Variants in PPP6R3 observed in about 807,000 individuals in gnomAD.
The protein encoded by PPP6R3 is protein phosphatase 6 regulatory subunit 3.
PPP6R3 carries 38 observed loss-of-function variants against 110.7 expected under a neutral mutation model. The ratio of observed to expected loss-of-function variants is 0.34; its 90% CI spans 0.26 to 0.45. The LOEUF (loss-of-function observed/expected upper bound fraction) is 0.45, where lower values mean the gene tolerates loss of function less well. Ranked by LOEUF, PPP6R3 falls within the 20% of genes least tolerant of loss-of-function variation. PPP6R3 has a pLI of 1.00. For synonymous variants in PPP6R3, 369 were observed against 373.5 expected (o/e 0.99, Z 0.14); for missense variants, 870 against 1,062.4 (o/e 0.82, Z 2.52).
At chr11:68,514,389 C>CT (rs1221525106) in intron 1 of PPP6R3, among the ~76,000 whole-genome samples, 191 of 147,230 alleles carry the variant, frequency 1.3e-3, no homozygotes, top group African/African-American at 4.0e-3. Context: ...ATGCATTTTG[C>CT]TTTTTTTTTT....
chr11:68,528,788 C>T (rs1227332716), intron 2 of PPP6R3, among the ~76,000 whole-genome samples: 1 of 152,228 alleles, frequency 6.6e-6, no homozygotes, highest in Admixed American at 6.5e-5. Context: ...CCAGACCCTC[C>T]TGGAGCCCAT....
chr11:68,586,224 A>T (rs980634611), intron 15 of PPP6R3: 1 of 152,246 alleles, frequency 6.6e-6, no homozygotes, highest in African/African-American at 2.4e-5. Flanking sequence ...TGCTTACTCA[A>T]CAGAATCACT....
chr11:68,528,885 C>T (rs1453750730), intron 2 of PPP6R3, among the ~76,000 whole-genome samples: 1 of 152,174 alleles, frequency 6.6e-6, no homozygotes, highest in Non-Finnish European at 1.5e-5. Flanking sequence ...CCTCAGCCTC[C>T]AGGTGTCTGG....
chr11:68,570,634 C>G (rs1263775044), intron 11 of PPP6R3, among the ~76,000 whole-genome samples: 2 of 152,228 alleles, frequency 1.3e-5, no homozygotes, highest in African/African-American at 2.4e-5. Flanking sequence ...AAGACGTGCT[C>G]ACATTTTAAA....
intron 2 of PPP6R3, among the ~76,000 whole-genome samples, chr11:68,536,681 A>G (rs964611875): frequency 2.0e-5 from 3 of 152,066 alleles, no homozygotes; most frequent in Non-Finnish European, 2.9e-5. Context: ...TTTTTTGGAG[A>G]TAATGATAAT....
rs537820361 is a variant in PPP6R3 at position 68,571,141 on chromosome 11, G to A, written c.1343+37G>A. The A allele has an allele frequency of 2.8e-5, 44 of 1,580,598 alleles. No homozygotes were observed. In the South Asian group the frequency reaches 4.9e-4, roughly 18 times the overall value. On this transcript the variant is annotated intron_variant, in intron 12 of 23. Coordinates refer to ENST00000393800, the MANE Select transcript of PPP6R3 (RefSeq NM_001164161.2). Reference sequence around the variant, plus strand: ...GTTTTTTTGAAAGGAATTCAGTTTGGTTGGTAATATGAGGAAAATAATACC... The same window carrying A: ...GTTTTTTTGAAAGGAATTCAGTTTGATTGGTAATATGAGGAAAATAATACC...
intron 1 of PPP6R3, among the ~76,000 whole-genome samples, chr11:68,489,023 C>CTT (rs200526605): frequency 2.1e-5 from 3 of 140,648 alleles, no homozygotes; most frequent in South Asian, 2.3e-4. Context: ...CAGGTTTTGC[C>CTT]TTTTTTTTTT....
chr11:68,492,322 AAGTTTTATTTTTATTT>A (rs2098989257), intron 1 of PPP6R3, among the ~76,000 whole-genome samples: 1 of 151,946 alleles, frequency 6.6e-6, no homozygotes, highest in Non-Finnish European at 1.5e-5. Context: ...ATGCCTGGCT[AAGTTTTATTTTTATTT>A]TTTGAGGTCT....
intron 1 of PPP6R3, among the ~76,000 whole-genome samples, chr11:68,462,428 G>T (rs1483773243): frequency 6.6e-6 from 1 of 152,168 alleles, no homozygotes; most frequent in Non-Finnish European, 1.5e-5. Context: ...TAAAGAGATG[G>T]TTAAATACAG....
intron 19 of PPP6R3, among the ~76,000 whole-genome samples, chr11:68,598,053 A>T (rs1463429135): frequency 1.3e-5 from 2 of 152,008 alleles, no homozygotes; most frequent in Non-Finnish European, 2.9e-5. Context: ...TTTTCATCCT[A>T]AACTAAAACT....
chr11:68,487,190 T>C (rs908190868), intron 1 of PPP6R3, among the ~76,000 whole-genome samples: 8 of 152,222 alleles, frequency 5.3e-5, no homozygotes, highest in Non-Finnish European at 8.8e-5. Flanking sequence ...TCTTTTTTAG[T>C]GTATTACTCA....
chr11:68,557,025 G>C (rs1252768413), intron 7 of PPP6R3, among the ~76,000 whole-genome samples: 2 of 152,236 alleles, frequency 1.3e-5, no homozygotes, highest in Non-Finnish European at 2.9e-5. Context: ...CCTCTGATGA[G>C]TAAGAGCGCT....
intron 1 of PPP6R3, among the ~76,000 whole-genome samples, chr11:68,474,567 TATTCTAGTCCAATAAAACAA>T (rs1378309480): frequency 6.6e-6 from 1 of 152,218 alleles, no homozygotes; most frequent in Non-Finnish European, 1.5e-5. Context: ...TTATCAAGAT[TATTCTAGTCCAATAAAACAA>T]ATTGTAGTAT....
chr11:68,576,949 GC>G (rs961955085), intron 14 of PPP6R3, among the ~76,000 whole-genome samples: 1 of 152,204 alleles, frequency 6.6e-6, no homozygotes, highest in African/African-American at 2.4e-5. Context: ...GGAGGGCTGT[GC>G]CCCCTACTTT....
chr11:68,561,263 A>AT (rs904552454), intron 8 of PPP6R3, among the ~76,000 whole-genome samples: 2 of 151,828 alleles, frequency 1.3e-5, no homozygotes, highest in African/African-American at 4.8e-5. Flanking sequence ...TTTGTTTGGC[A>AT]TTTTTTTCCA....
intron 1 of PPP6R3, among the ~76,000 whole-genome samples, chr11:68,464,588 G>A (rs777153256): frequency 2.0e-4 from 30 of 152,174 alleles, no homozygotes; most frequent in Non-Finnish European, 3.8e-4. Context: ...TCCTGCCTTG[G>A]AGATTATTTA....
intron 17 of PPP6R3, among the ~76,000 whole-genome samples, chr11:68,591,036 G>A (rs2099593664): frequency 6.6e-6 from 1 of 152,144 alleles, no homozygotes; most frequent in African/African-American, 2.4e-5. Context: ...GAGAAATGTG[G>A]ACTGGGTCAG....
At position 68,614,864 on chromosome 11, in the gene PPP6R3, G is replaced by C; in HGVS notation, c.*1747G>C. Reference sequence around the variant, plus strand: ...TGACTTGAATGGCGTTGGACCTCGGGGATTACTGGTAGATAATATGCTCTG... The same window carrying C: ...TGACTTGAATGGCGTTGGACCTCGGCGATTACTGGTAGATAATATGCTCTG... On this transcript the variant is annotated 3_prime_UTR_variant, in exon 24 of 24. Transcript: ENST00000393800. 1 of 979,114 alleles carries C rather than the reference G, an allele frequency of 1.0e-6. No homozygotes were observed. Among genetic ancestry groups the C allele is most frequent in the Non-Finnish European group, 1.6e-6 (1 of 639,522 alleles). The allele number at this position is 979,114 out of a possible 1,614,324, so 60.7% of individuals were successfully genotyped here.
intron 5 of PPP6R3, among the ~76,000 whole-genome samples, chr11:68,550,587 C>T (rs1018852048): frequency 4.6e-5 from 7 of 152,140 alleles, no homozygotes; most frequent in African/African-American, 1.7e-4. Flanking sequence ...CATGACAGGG[C>T]GGAAAAACTC....
Sources: gnomAD v4.1 joint callset for allele counts (sites outside exome capture counted in the v4.1 genomes callset) on GRCh38, gnomAD v4.1.1 for gene constraint, MANE v1.5 for transcripts, NCBI Gene and HGNC (gene_info 2026-07-23, HGNC 2026-07-21) for gene names.